KIF27: variants seen among roughly 807,000 people sequenced by gnomAD.
The protein encoded by KIF27 is kinesin family member 27.
A neutral mutation model predicts 141.8 loss-of-function variants in KIF27; 84 were observed. The ratio of observed to expected loss-of-function variants is 0.59; its 90% CI spans 0.50 to 0.71. The LOEUF (loss-of-function observed/expected upper bound fraction) is 0.71, where lower values mean the gene tolerates loss of function less well. Ranked by LOEUF, KIF27 falls within the 30% of genes least tolerant of loss-of-function variation. The pLI, the probability that KIF27 is intolerant of heterozygous loss-of-function variation, is 0.00. For missense variants in KIF27, 1,306 were observed against 1,628.4 expected (o/e 0.80, Z 3.41); for synonymous variants, 471 against 569.5 (o/e 0.83, Z 2.46).
chr9:83,850,982 C>T (rs990811960), intron 15 of KIF27, among the ~76,000 whole-genome samples: 25 of 150,092 alleles, frequency 1.7e-4, no homozygotes, highest in African/African-American at 3.9e-4. Context: ...GGACTACAGG[C>T]GCCCGCCACC....
intron 14 of KIF27, among the ~76,000 whole-genome samples, chr9:83,855,689 G>A (rs1202588911): frequency 1.3e-5 from 2 of 152,084 alleles, no homozygotes; most frequent in Non-Finnish European, 2.9e-5. Context: ...GTAATTTGAG[G>A]ACCTGATGTA....
intron 13 of KIF27, among the ~76,000 whole-genome samples, chr9:83,862,111 C>A (rs1043552847): frequency 1.3e-5 from 2 of 151,970 alleles, no homozygotes; most frequent in African/African-American, 4.8e-5. Flanking sequence ...AAAATTTTCT[C>A]CCATTCTGTA....
chr9:83,898,623 T>C (rs564218201), intron 5 of KIF27: 29 of 152,324 alleles, frequency 1.9e-4, no homozygotes, highest in African/African-American at 6.5e-4. Context: ...ATATGCATTG[T>C]TTTGTATATA....
chr9:83,900,747 G>GTA (rs779373948), intron 4 of KIF27, among the ~76,000 whole-genome samples: 19 of 151,804 alleles, frequency 1.3e-4, no homozygotes, highest in African/African-American at 3.9e-4. Context: ...ATATATACGT[G>GTA]TATATATATG....
chr9:83,841,364 C>T (rs994661053), intron 17 of KIF27, among the ~76,000 whole-genome samples: 4 of 152,226 alleles, frequency 2.6e-5, no homozygotes, highest in African/African-American at 9.6e-5. Context: ...AGCCACCGCA[C>T]CTAGCCAATT....
intron 1 of KIF27, among the ~76,000 whole-genome samples, chr9:83,918,137 T>G (rs1480627797): frequency 1.3e-5 from 2 of 151,904 alleles, no homozygotes; most frequent in Non-Finnish European, 2.9e-5. Flanking sequence ...CAGCTCAGCA[T>G]GGTAGTACGC....
chr9:83,883,311 T>G (rs529105544), intron 10 of KIF27, among the ~76,000 whole-genome samples: 3 of 152,160 alleles, frequency 2.0e-5, no homozygotes, highest in Non-Finnish European at 4.4e-5. Flanking sequence ...ATATTTCTCA[T>G]AGAATAGAAT....
rs1451283567 is a variant in KIF27, at chr9:83,884,099, T to C, written c.2240-81A>G. 7 of 1,019,076 alleles carry C rather than the reference T, an allele frequency of 6.9e-6. No homozygotes were observed. In the Admixed American group the frequency reaches 1.4e-4, roughly 20 times the overall value. 63.1% of individuals were successfully genotyped at this position (1,019,076 alleles called of 1,614,324 possible). A position where few individuals can be genotyped will look rare whatever the true frequency, so the allele number is the denominator to read the frequency against. ...TCCAAAACATAAAAATACTCTACTC[T>C]AAAATCCAGCCAGGCAGTGATACTA... On this transcript the variant is annotated intron_variant, in intron 9 of 17. Coordinates refer to ENST00000297814, the MANE Select transcript of KIF27 (RefSeq NM_017576.4).
At position 83,848,323 on chromosome 9, in the gene KIF27, C is replaced by A. The variant is rs1460038841; in HGVS notation, c.3556+1776G>T. Among the ~76,000 whole-genome samples, 64 of 86,728 alleles carry A rather than the reference C, an allele frequency of 7.4e-4. 7 individuals are homozygous for A. Among genetic ancestry groups the A allele is most frequent in the East Asian group, 6.5e-3 (22 of 3,406 alleles). The allele number at this position is 86,728 out of a possible 152,430, so 56.9% of individuals were successfully genotyped here. On this transcript the variant is annotated intron_variant, in intron 16 of 17. Coordinates refer to ENST00000297814, the MANE Select transcript of KIF27 (RefSeq NM_017576.4). ...ATGATATATATGATATATCATATAT[C>A]TATATATCTATATATATCTATGTAT... is the stretch of plus-strand genomic sequence containing the variant.
rs561452856 is a variant in KIF27, at chr9:83,857,519, C to T, written c.3150+1637G>A. On this transcript the variant is annotated intron_variant, in intron 14 of 17. Coordinates refer to ENST00000297814, the MANE Select transcript of KIF27 (RefSeq NM_017576.4). ...CCCTCAAACCCCAGTCCAGAATAGC[C>T]GCAAAATAGGTATCATGCGCCATAC... is the stretch of plus-strand genomic sequence containing the variant. Among the ~76,000 whole-genome samples the T allele has an allele frequency of 1.9e-3, 287 of 152,228 alleles. 3 individuals carry two copies. Among genetic ancestry groups the T allele is most frequent in the African/African-American group, 6.4e-3 (266 of 41,532 alleles).
In KIF27 at chr9:83,876,518, T is replaced by C. The variant is rs62561958; in HGVS notation, c.2643+3779A>G. On this transcript the variant is annotated intron_variant, in intron 11 of 17. Coordinates refer to ENST00000297814, the MANE Select transcript of KIF27 (RefSeq NM_017576.4). ...GAGCAATCTAGAGATTCAACAATCC[T>C]TATCAAAATTCCAATGGCCTTTTTT... Among the ~76,000 whole-genome samples, 768 of 152,300 alleles carry C rather than the reference T, an allele frequency of 5.0e-3. 8 individuals are homozygous for C. Among genetic ancestry groups the C allele is most frequent in the Non-Finnish European group, 7.4e-3 (504 of 68,016 alleles).
At chr9:83,884,369 T>C (rs969304339) in intron 9 of KIF27, among the ~76,000 whole-genome samples, 1 of 152,198 alleles carries the variant, frequency 6.6e-6, no homozygotes, top group African/African-American at 2.4e-5. Context: ...TCTTGCTTAG[T>C]ATACTCCAGC....
At position 83,864,778 on chromosome 9, in the gene KIF27, A is replaced by G. The variant is rs560012828; in HGVS notation, c.2934+2906T>C. Among the ~76,000 whole-genome samples the G allele has an allele frequency of 3.9e-5, 6 of 152,286 alleles. No individual in the cohort carries two copies. The South Asian group carries it at 1.2e-3, about 32-fold the overall frequency. On this transcript the variant is annotated intron_variant, in intron 13 of 17. Transcript: ENST00000297814. The stretch of plus-strand genomic sequence containing the variant: ...TGTCTAATGTTGACAGTGAGGTGTT[A>G]AAAGTCTCCCATTATTATTGTGTGG...
chr9:83,863,914 T>C (rs1353302254), intron 13 of KIF27: 4 of 152,228 alleles, frequency 2.6e-5, no homozygotes, highest in South Asian at 2.1e-4. Context: ...GGAGGGTGTA[T>C]GTGTCCAGGA....
intron 16 of KIF27, among the ~76,000 whole-genome samples, chr9:83,844,992 A>G (rs559243899): frequency 1.6e-3 from 251 of 152,276 alleles, no homozygotes; most frequent in African/African-American, 5.9e-3. Context: ...AATGGGGTCC[A>G]CAACAGGAGA....
At chr9:83,908,322 GTAAAAA>G (rs1954781466) in intron 3 of KIF27, 124 bp downstream of exon 3, 3 of 422,886 alleles carry the variant, frequency 7.1e-6, no homozygotes, top group Non-Finnish European at 1.3e-5. Flanking sequence ...CAATTTAAAA[GTAAAAA>G]TAAATTCATT....
At chr9:83,880,568 T>A in intron 10 of KIF27, 74 bp from the exon 11 acceptor site, 1 of 1,139,764 alleles carries the variant, frequency 8.8e-7, no homozygotes, top group Non-Finnish European at 1.3e-6. Context: ...AATCTTTTCA[T>A]TTGATGGTAA....
At chr9:83,869,091 G>T (rs1265927636) in intron 12 of KIF27, among the ~76,000 whole-genome samples, 5 of 152,008 alleles carry the variant, frequency 3.3e-5, no homozygotes, top group African/African-American at 1.2e-4. Context: ...CCACTTAAAA[G>T]GAAAAAACCT....
intron 16 of KIF27, among the ~76,000 whole-genome samples, chr9:83,846,300 C>T (rs1324484992): frequency 1.3e-5 from 2 of 152,184 alleles, no homozygotes; most frequent in East Asian, 3.9e-4. Context: ...CTATCCTGCA[C>T]GCAATGCTTC....
Sources: gnomAD v4.1 joint callset for allele counts (sites outside exome capture counted in the v4.1 genomes callset) on GRCh38, gnomAD v4.1.1 for gene constraint, MANE v1.5 for transcripts, NCBI Gene and HGNC (gene_info 2026-07-23, HGNC 2026-07-21) for gene names.